Variants in MAPK8 observed in about 807,000 individuals in gnomAD.
MAPK8 encodes mitogen-activated protein kinase 8.
In MAPK8, 13 loss-of-function variants were observed where a neutral mutation model predicts 52.9. The observed-to-expected ratio is 0.25, with a 90% CI of 0.16 to 0.39. The LOEUF is 0.39. MAPK8 is among the 10% of genes least tolerant of loss of function. The probability of loss-of-function intolerance (pLI) is 1.00; values close to 1 mark genes in which losing one functional copy is unlikely to be tolerated. For missense variants in MAPK8, 300 were observed against 519.2 expected (o/e 0.58, Z 4.10); for synonymous variants, 191 against 169.8 (o/e 1.12, Z -0.97).
rs148236831 is a variant in MAPK8 at position 48,390,449 on chromosome 10, G to T, written c.-49-11163G>T. On this transcript the variant is annotated intron_variant, in intron 1 of 11. Coordinates refer to ENST00000374189, the MANE Select transcript of MAPK8 (RefSeq NM_001323329.2). ...AATAGATAGGCTCTAAGTTACCTCA[G>T]TGACTTATTGCCAGGATTGCCTGAT... Among the ~76,000 whole-genome samples the T allele has an allele frequency of 3.5e-4, 53 of 152,322 alleles. 2 individuals carry two copies. In the East Asian group the frequency reaches 9.8e-3, roughly 28 times the overall value.
intron 1 of MAPK8, among the ~76,000 whole-genome samples, chr10:48,317,621 G>C (rs960388766): frequency 6.6e-6 from 1 of 152,220 alleles, no homozygotes. Context: ...TGGCATTGCT[G>C]TATGTAGGAA....
At chr10:48,339,266 C>T (rs963889818) in intron 1 of MAPK8, among the ~76,000 whole-genome samples, 1 of 151,968 alleles carries the variant, frequency 6.6e-6, no homozygotes, top group Non-Finnish European at 1.5e-5. Context: ...AAATAGAGAA[C>T]CCAGAAATAA....
chr10:48,367,402 T>A (rs1405193312), intron 1 of MAPK8, among the ~76,000 whole-genome samples: 1 of 150,794 alleles, frequency 6.6e-6, no homozygotes, highest in Non-Finnish European at 1.5e-5. Flanking sequence ...AATAAATAAA[T>A]ACATATATAT....
At chr10:48,405,081 C>A (rs2133026515) in intron 3 of MAPK8, 100 bp downstream of exon 3, 1 of 571,210 alleles carries the variant, frequency 1.8e-6, no homozygotes, top group Non-Finnish European at 2.9e-6. Context: ...TTAAATTGTT[C>A]TGTATTAAAA....
intron 1 of MAPK8, among the ~76,000 whole-genome samples, chr10:48,385,546 A>G (rs1369314424): frequency 6.6e-6 from 1 of 152,176 alleles, no homozygotes; most frequent in Non-Finnish European, 1.5e-5. Context: ...GCACAGATTT[A>G]TACAGAAAAA....
chr10:48,386,227 A>G (rs915921422), intron 1 of MAPK8, among the ~76,000 whole-genome samples: 7 of 152,196 alleles, frequency 4.6e-5, no homozygotes, highest in African/African-American at 1.7e-4. Flanking sequence ...TTCTCAAGGA[A>G]TGAGATTTTT....
At chr10:48,433,990 A>G (rs1245745883) in intron 11 of MAPK8, among the ~76,000 whole-genome samples, 2 of 152,212 alleles carry the variant, frequency 1.3e-5, no homozygotes, top group Non-Finnish European at 2.9e-5. Context: ...GTGGTTCAGA[A>G]GTACTTAGCC....
At chr10:48,366,771 TA>T (rs548282256) in intron 1 of MAPK8, among the ~76,000 whole-genome samples, 74 of 152,172 alleles carry the variant, frequency 4.9e-4, no homozygotes, top group Admixed American at 7.9e-4. Context: ...CACTGCCATA[TA>T]GGGTTGAAAA....
chr10:48,354,843 G>T (rs955512630), intron 1 of MAPK8, among the ~76,000 whole-genome samples: 1 of 151,964 alleles, frequency 6.6e-6, no homozygotes, highest in Non-Finnish European at 1.5e-5. Flanking sequence ...CCCCATAATG[G>T]CAGTATACAT....
intron 1 of MAPK8, among the ~76,000 whole-genome samples, chr10:48,353,437 A>C (rs934680872): frequency 3.3e-5 from 5 of 152,354 alleles, no homozygotes; most frequent in African/African-American, 1.2e-4. Flanking sequence ...GCTCCACACA[A>C]GTAAAGCCAA....
chr10:48,401,708 A>G lies in MAPK8; in HGVS notation c.48A>G (p.Gly16=), dbSNP rs137900446. ...ACAATTTTTATAGTGTAGAGATTGG[A>G]GATTCTACATTCACAGTCCTGAAAC... ...RDNNFYSVEI[G]DSTFTVLKRY... Residue 16 remains glycine, a synonymous_variant, in exon 2 of 12, where the codon GGA becomes GGG. Transcript: ENST00000374189. 1.4e-4 allele frequency: 222 copies of G among 1,604,198 alleles called. 1 individual carries two copies. Among genetic ancestry groups the G allele is most frequent in the South Asian group, 8.0e-4 (72 of 89,662 alleles).
At chr10:48,374,520 A>C (rs2040533197) in intron 1 of MAPK8, among the ~76,000 whole-genome samples, 1 of 152,128 alleles carries the variant, frequency 6.6e-6, no homozygotes, top group African/African-American at 2.4e-5. Context: ...AAGAGAGAAG[A>C]CTCAAATAGA....
chr10:48,379,637 T>C (rs2040869120), intron 1 of MAPK8, among the ~76,000 whole-genome samples: 1 of 152,090 alleles, frequency 6.6e-6, no homozygotes, highest in African/African-American at 2.4e-5. Flanking sequence ...AAAACAAATA[T>C]GAGAAGAATC....
chr10:48,391,709 T>A (rs1442712266), intron 1 of MAPK8, among the ~76,000 whole-genome samples: 1 of 152,080 alleles, frequency 6.6e-6, no homozygotes, highest in Non-Finnish European at 1.5e-5. Context: ...TAGCATGAGA[T>A]CTCACAAGTC....
At chr10:48,380,708 G>A (rs960308198) in intron 1 of MAPK8, among the ~76,000 whole-genome samples, 1 of 152,194 alleles carries the variant, frequency 6.6e-6, no homozygotes, top group African/African-American at 2.4e-5. Flanking sequence ...GCTCCAGCAT[G>A]GGCGACAGAG....
intron 1 of MAPK8, among the ~76,000 whole-genome samples, chr10:48,325,607 T>C (rs1843442737): frequency 6.6e-6 from 1 of 152,236 alleles, no homozygotes; most frequent in African/African-American, 2.4e-5. Context: ...ATTTCTCCTA[T>C]AATTAACATC....
intron 5 of MAPK8, among the ~76,000 whole-genome samples, chr10:48,412,500 C>G (rs2042813300): frequency 6.6e-6 from 1 of 152,070 alleles, no homozygotes; most frequent in African/African-American, 2.4e-5. Flanking sequence ...TCATTTTTCT[C>G]TTTCTTCTCC....
chr10:48,433,842 G>A (rs2133378906), intron 11 of MAPK8, among the ~76,000 whole-genome samples: 1 of 152,302 alleles, frequency 6.6e-6, no homozygotes, highest in South Asian at 2.1e-4. Context: ...GCATCTTTGG[G>A]TGCCTGAACC....
At chr10:48,428,529 C>T (rs2043865032) in intron 10 of MAPK8, among the ~76,000 whole-genome samples, 1 of 152,120 alleles carries the variant, frequency 6.6e-6, no homozygotes, top group African/African-American at 2.4e-5. Context: ...TTTTGCTAAG[C>T]ATGAATTTGA....
Sources: gnomAD v4.1 joint callset for allele counts (sites outside exome capture counted in the v4.1 genomes callset) on GRCh38, gnomAD v4.1.1 for gene constraint, MANE v1.5 for transcripts, NCBI Gene and HGNC (gene_info 2026-07-23, HGNC 2026-07-21) for gene names.